ARL8B: variants seen among roughly 807,000 people sequenced by gnomAD.
ARL8B encodes the protein ADP-ribosylation factor-like protein 8B.
A neutral mutation model predicts 30.6 loss-of-function variants in ARL8B; 9 were observed. That is an observed-to-expected ratio of 0.29 (90% CI 0.18 to 0.51). The LOEUF (loss-of-function observed/expected upper bound fraction) is 0.51. Ranked by LOEUF, ARL8B falls within the 20% of genes least tolerant of loss-of-function variation. ARL8B has a pLI of 0.97. For synonymous variants in ARL8B, 74 were observed against 76.0 expected, an observed-to-expected ratio of 0.97 and a Z score of 0.14; for missense variants, 130 against 227.2, an observed-to-expected ratio of 0.57 and a Z score of 2.75.
intron 1 of ARL8B, among the ~76,000 whole-genome samples, chr3:5,157,351 C>G (rs1273295454): frequency 6.6e-6 from 1 of 152,156 alleles, no homozygotes; most frequent in Non-Finnish European, 1.5e-5. Flanking sequence ...TTCTGAGTTT[C>G]CTTGATACTG....
At chr3:5,173,493 T>C (rs1011059065) in intron 4 of ARL8B, among the ~76,000 whole-genome samples, 1 of 152,070 alleles carries the variant, frequency 6.6e-6, no homozygotes, top group Admixed American at 6.6e-5. Context: ...TCCCAGCACT[T>C]TGGGAGGCCG....
chr3:5,152,326 T>C (rs570375401), intron 1 of ARL8B, among the ~76,000 whole-genome samples: 19 of 152,380 alleles, frequency 1.2e-4, no homozygotes, highest in African/African-American at 4.1e-4. Flanking sequence ...TATTATGTAA[T>C]GTCCCTCTTT....
At chr3:5,159,621 A>G (rs796690168) in intron 1 of ARL8B, among the ~76,000 whole-genome samples, 2,115 of 150,740 alleles carry the variant, frequency 0.014, 57 homozygotes, top group African/African-American at 0.049. Flanking sequence ...AAAAAAAAAA[A>G]AAAAGAGAAA....
At chr3:5,122,650 T>C in intron 1 of ARL8B, 62 bp downstream of exon 1, 1 of 1,540,870 alleles carries the variant, frequency 6.5e-7, no homozygotes, top group Non-Finnish European at 8.8e-7. Context: ...CCGGCGCTTC[T>C]CCAAGGCCTG....
intron 1 of ARL8B, among the ~76,000 whole-genome samples, chr3:5,161,537 A>C (rs2054580707): frequency 6.6e-6 from 1 of 152,204 alleles, no homozygotes; most frequent in Non-Finnish European, 1.5e-5. Flanking sequence ...AGGAAAGAAG[A>C]AAAGAAGCAA....
chr3:5,178,038 G>GAT lies in ARL8B; in HGVS notation c.512-624_512-623dup, dbSNP rs1386373187. 3.9e-5 allele frequency among the ~76,000 whole-genome samples: 6 copies of GAT among 152,316 alleles called. No individual in the cohort carries two copies. The East Asian group carries it at 1.2e-3, about 29-fold the overall frequency. ...GCTTGGAGAATAGAGTGGTGCTTCT[G>GAT]ATAGACTCTCATGTACCCTTCTGAA... On this transcript the variant is annotated intron_variant, in intron 6 of 6. Transcript: ENST00000256496.
intron 1 of ARL8B, chr3:5,157,708 A>C (rs2054545067): frequency 6.6e-6 from 1 of 151,986 alleles, no homozygotes; most frequent in South Asian, 2.1e-4. Context: ...GATTTCTCCC[A>C]CTCTGTATTC....
Position 5,173,725 on chromosome 3 carries a change from AC to A in ARL8B, c.373-291del, listed in dbSNP as rs1446783795. ...GCGAGACTCTGTCTCAAACAAACAA[AC>A]AAACAAACAAACAAACAAAAAGAAT... On this transcript the variant is annotated intron_variant, in intron 4 of 6. Transcript: ENST00000256496. Among the ~76,000 whole-genome samples the A allele has an allele frequency of 2.6e-5, 4 of 151,802 alleles. No homozygotes were observed. The East Asian group carries it at 7.7e-4, about 29-fold the overall frequency.
intron 1 of ARL8B, among the ~76,000 whole-genome samples, chr3:5,151,743 T>C (rs1275738131): frequency 2.6e-5 from 3 of 113,420 alleles, no homozygotes; most frequent in African/African-American, 1.0e-4. Flanking sequence ...GGAGATAGGA[T>C]CTTGCTGTCT....
chr3:5,152,395 A>G (rs969213005), intron 1 of ARL8B, among the ~76,000 whole-genome samples: 1 of 152,038 alleles, frequency 6.6e-6, no homozygotes, highest in Non-Finnish European at 1.5e-5. Flanking sequence ...TAAAATAATT[A>G]TTTCAGCTTT....
At chr3:5,152,914 T>A (rs779826100) in intron 1 of ARL8B, among the ~76,000 whole-genome samples, 5 of 152,240 alleles carry the variant, frequency 3.3e-5, no homozygotes, top group Non-Finnish European at 7.3e-5. Context: ...ATTTAAGACT[T>A]AGTTTAAACA....
In ARL8B at chr3:5,172,135, T is replaced by G; in HGVS notation, c.205-15T>G. 1 of 1,608,646 alleles carries G rather than the reference T, an allele frequency of 6.2e-7. No homozygotes were observed. Reference sequence around the variant, plus strand: ...AAAATATCTTTATTAAGAATTGCCTTGTTTTGATTTAAAGATCTGGGACAT... The same window carrying G: ...AAAATATCTTTATTAAGAATTGCCTGGTTTTGATTTAAAGATCTGGGACAT... On this transcript the variant is annotated splice_polypyrimidine_tract_variant and intron_variant, in intron 2 of 6. Transcript: ENST00000256496.
chr3:5,143,396 T>C (rs1453029807), intron 1 of ARL8B, among the ~76,000 whole-genome samples: 1 of 152,174 alleles, frequency 6.6e-6, no homozygotes, highest in African/African-American at 2.4e-5. Flanking sequence ...TTATAAGTCT[T>C]GTTTCCCCAT....
In ARL8B at chr3:5,163,954, A is replaced by T. The variant is rs552273493; in HGVS notation, c.124-6549A>T. ...GTTTGCAATAAATATTGTAAAGAAG[A>T]GGAAGATAAAGAATAGAATATTATT... On this transcript the variant is annotated intron_variant, in intron 1 of 6. Transcript: ENST00000256496. Among the ~76,000 whole-genome samples the T allele has an allele frequency of 3.3e-5, 5 of 152,334 alleles. No individual in the cohort carries two copies. The East Asian group carries it at 9.6e-4, about 29-fold the overall frequency.
intron 1 of ARL8B, among the ~76,000 whole-genome samples, chr3:5,149,576 C>T (rs1412669103): frequency 2.0e-5 from 3 of 152,226 alleles, no homozygotes; most frequent in Non-Finnish European, 4.4e-5. Context: ...ACAATCTTCC[C>T]AGATGTGTAA....
At chr3:5,152,793 G>A (rs1461331327) in intron 1 of ARL8B, among the ~76,000 whole-genome samples, 2 of 152,098 alleles carry the variant, frequency 1.3e-5, no homozygotes, top group African/African-American at 4.8e-5. Flanking sequence ...GACAAAATCT[G>A]GGTTTATTGA....
chr3:5,165,262 A>ATTTT (rs937917780), intron 1 of ARL8B, among the ~76,000 whole-genome samples: 1 of 151,958 alleles, frequency 6.6e-6, no homozygotes, highest in African/African-American at 2.4e-5. Context: ...CAAAAAAAAA[A>ATTTT]TTGTTTGTAA....
chr3:5,168,396 A>G (rs1179444042), intron 1 of ARL8B, among the ~76,000 whole-genome samples: 1 of 152,220 alleles, frequency 6.6e-6, no homozygotes, highest in Non-Finnish European at 1.5e-5. Flanking sequence ...TTGTTCAACA[A>G]ATATTTATTG....
intron 1 of ARL8B, among the ~76,000 whole-genome samples, chr3:5,159,297 CAAAA>C (rs56033027): frequency 1.9e-5 from 1 of 53,012 alleles, no homozygotes; most frequent in South Asian, 5.9e-4. Flanking sequence ...GACTCTGTCT[CAAAA>C]AAAAAAAAAA....
Sources: gnomAD v4.1 joint callset for allele counts (sites outside exome capture counted in the v4.1 genomes callset) on GRCh38, gnomAD v4.1.1 for gene constraint, MANE v1.5 for transcripts, NCBI Gene and HGNC (gene_info 2026-07-23, HGNC 2026-07-21) for gene names.